Variants in INTS4 observed in about 807,000 individuals in gnomAD.
INTS4 encodes integrator complex subunit 4, also known as MSTP093.
Under a neutral mutation model 119.5 loss-of-function variants are expected in INTS4, and 70 were observed. The observed-to-expected ratio is 0.59, with a 90% CI of 0.48 to 0.71. The LOEUF (loss-of-function observed/expected upper bound fraction) is 0.71, where lower values mean the gene tolerates loss of function less well. INTS4 is among the 30% of genes least tolerant of loss of function. The probability of loss-of-function intolerance (pLI) is 0.00; values close to 1 mark genes in which losing one functional copy is unlikely to be tolerated. For synonymous variants in INTS4, 316 were observed against 419.6 expected, an observed-to-expected ratio of 0.75 and a Z score of 3.02; for missense variants, 867 against 1,173.2, an observed-to-expected ratio of 0.74 and a Z score of 3.81.
intron 1 of INTS4, 145 bp from the exon 2 acceptor site, chr11:77,991,444 C>T (rs909709470): frequency 3.6e-5 from 24 of 673,634 alleles, no homozygotes; most frequent in Admixed American, 1.2e-4. Flanking sequence ...GAAAGAGTAC[C>T]GGGTTGGTGA....
chr11:77,877,411 T>C (rs1951629003), downstream of INTS4, among the ~76,000 whole-genome samples: 1 of 152,224 alleles, frequency 6.6e-6, no homozygotes, highest in African/African-American at 2.4e-5. Context: ...GTGTCAAATA[T>C]GATCAAGACT....
At chr11:77,992,304 T>C (rs11603727) in intron 1 of INTS4, among the ~76,000 whole-genome samples, 23,478 of 151,814 alleles carry the variant, frequency 0.15, 2,146 homozygotes, top group Middle Eastern at 0.21. Flanking sequence ...AGGCTGAGGA[T>C]TGCGTGAACC....
chr11:77,894,659 G>A (rs1952434561), intron 18 of INTS4, among the ~76,000 whole-genome samples: 1 of 152,228 alleles, frequency 6.6e-6, no homozygotes, highest in African/African-American at 2.4e-5. Context: ...GCAGTACAGT[G>A]TCAAGTTCCC....
downstream of INTS4, chr11:77,877,099 A>C (rs1238729384): frequency 1.6e-5 from 11 of 699,902 alleles, no homozygotes; most frequent in Non-Finnish European, 5.2e-6. Context: ...TTCTTCCCCT[A>C]GTCCCTCTTT....
chr11:77,970,922 C>T (rs1265835686), intron 4 of INTS4, among the ~76,000 whole-genome samples: 2 of 152,122 alleles, frequency 1.3e-5, no homozygotes, highest in Non-Finnish European at 2.9e-5. Flanking sequence ...AGCCTCATGC[C>T]TCAGCCTCCC....
In INTS4 at chr11:77,954,561, C is replaced by T. The variant is rs1839535; in HGVS notation, c.918+1381G>A. On this transcript the variant is annotated intron_variant, in intron 8 of 22. Coordinates refer to ENST00000534064, the MANE Select transcript of INTS4 (RefSeq NM_033547.4). ...AGTGGTCCCCCACCTTTTTGGCATC[C>T]GGGTTCAGTTTCATGGAAGAAACCA... is the stretch of plus-strand genomic sequence containing the variant. 6.3e-4 allele frequency among the ~76,000 whole-genome samples: 96 copies of T among 152,226 alleles called. 1 individual carries two copies. The Middle Eastern group carries it at 0.017, about 27-fold the overall frequency.
downstream of INTS4, among the ~76,000 whole-genome samples, chr11:77,874,789 C>T (rs1055500088): frequency 3.3e-5 from 5 of 152,140 alleles, no homozygotes; most frequent in South Asian, 2.1e-4. Flanking sequence ...GTAATCCCAG[C>T]GCTTTGGGAG....
chr11:77,883,394 GA>G (rs1407168441), intron 22 of INTS4, among the ~76,000 whole-genome samples: 2 of 151,756 alleles, frequency 1.3e-5, no homozygotes, highest in South Asian at 2.1e-4. Flanking sequence ...GTTGGCAAAT[GA>G]AAAAAAATAT....
chr11:77,882,094 A>C (rs149731089), intron 22 of INTS4, among the ~76,000 whole-genome samples: 1 of 151,808 alleles, frequency 6.6e-6, no homozygotes, highest in Non-Finnish European at 1.5e-5. Flanking sequence ...TTATATATCT[A>C]TTGTAGAGAT....
intron 15 of INTS4, among the ~76,000 whole-genome samples, chr11:77,913,995 C>T (rs1439356908): frequency 6.6e-6 from 1 of 152,208 alleles, no homozygotes; most frequent in Non-Finnish European, 1.5e-5. Context: ...TAAATCACTG[C>T]ACATCACAGA....
chr11:77,880,948 A>AAAC (rs1565219310), intron 22 of INTS4, among the ~76,000 whole-genome samples: 3 of 151,772 alleles, frequency 2.0e-5, no homozygotes, highest in African/African-American at 7.3e-5. Flanking sequence ...AACAAACAAA[A>AAAC]AAACAAAAAA....
At chr11:77,989,120 C>A (rs987564961) in intron 2 of INTS4, among the ~76,000 whole-genome samples, 6 of 151,906 alleles carry the variant, frequency 3.9e-5, no homozygotes, top group African/African-American at 9.6e-5. Flanking sequence ...AAAAAGAAAA[C>A]AACAAAAAGG....
At position 77,961,143 on chromosome 11, in the gene INTS4, T is replaced by TAAAAAAAAAAAAAAAAAAAAAA. The variant is rs11370501; in HGVS notation, c.472-6_472-5insTTTTTTTTTTTTTTTTTTTTTT. The TAAAAAAAAAAAAAAAAAAAAAA allele has an allele frequency of 2.5e-6, 3 of 1,216,656 alleles. No individual in the cohort carries two copies. Among genetic ancestry groups the TAAAAAAAAAAAAAAAAAAAAAA allele is most frequent in the African/African-American group, 1.8e-5 (1 of 54,148 alleles). 75.4% of individuals were successfully genotyped at this position (1,216,656 alleles called of 1,614,324 possible). On this transcript the variant is annotated splice_region_variant and splice_polypyrimidine_tract_variant and intron_variant, in intron 4 of 22. Coordinates refer to ENST00000534064, the MANE Select transcript of INTS4 (RefSeq NM_033547.4). ...ATGAGACGTATCTGTCAGATGCTAT[T>TAAAAAAAAAAAAAAAAAAAAAA]AAAAAAAAAAAAAAAAAGAAAAAAA...
chr11:77,932,724 G>C (rs2136505943), intron 10 of INTS4, among the ~76,000 whole-genome samples: 1 of 152,236 alleles, frequency 6.6e-6, no homozygotes, highest in Middle Eastern at 3.4e-3. Flanking sequence ...ATCAATGATA[G>C]ACTGGATAAA....
intron 10 of INTS4, among the ~76,000 whole-genome samples, chr11:77,928,816 TC>T (rs1165430719): frequency 2.6e-5 from 4 of 152,064 alleles, no homozygotes; most frequent in Non-Finnish European, 5.9e-5. Context: ...GCCACTGCAC[TC>T]CAGCCTGGTG....
chr11:77,934,394 T>TAAAAA (rs57661146), intron 10 of INTS4, among the ~76,000 whole-genome samples: 1 of 125,390 alleles, frequency 8.0e-6, no homozygotes, highest in Non-Finnish European at 1.6e-5. Flanking sequence ...CAATAAATAC[T>TAAAAA]AAAAAAAAAA....
chr11:77,943,203 C>A (rs1953970256), intron 8 of INTS4, among the ~76,000 whole-genome samples: 1 of 152,144 alleles, frequency 6.6e-6, no homozygotes, highest in Non-Finnish European at 1.5e-5. Flanking sequence ...TCCAACACAG[C>A]AGCACAGAGG....
intron 2 of INTS4, chr11:77,987,674 T>C: frequency 2.2e-6 from 1 of 449,740 alleles, no homozygotes; most frequent in Non-Finnish European, 4.5e-6. Context: ...GCGACCAGCC[T>C]GGGCAACACA....
intron 8 of INTS4, among the ~76,000 whole-genome samples, chr11:77,952,618 C>A (rs900877729): frequency 6.6e-6 from 1 of 151,988 alleles, no homozygotes; most frequent in Non-Finnish European, 1.5e-5. Flanking sequence ...ATTATTTTTT[C>A]TGAATACAAA....
Sources: gnomAD v4.1 joint callset for allele counts (sites outside exome capture counted in the v4.1 genomes callset) on GRCh38, gnomAD v4.1.1 for gene constraint, MANE v1.5 for transcripts, NCBI Gene and HGNC (gene_info 2026-07-23, HGNC 2026-07-21) for gene names.